Variants in RASGRP1 observed in about 807,000 individuals in gnomAD.
RASGRP1 encodes RAS guanyl releasing protein 1.
Under a neutral mutation model 95.1 loss-of-function variants are expected in RASGRP1, and 37 were observed. The observed-to-expected ratio is 0.39, with a 90% CI of 0.30 to 0.51. The LOEUF (loss-of-function observed/expected upper bound fraction) is 0.51, where lower values mean the gene tolerates loss of function less well. Among genes scored for constraint, RASGRP1 ranks in the 20% least tolerant of loss-of-function variants. The pLI is 0.80. For missense variants in RASGRP1, 711 were observed against 965.4 expected (o/e 0.74, Z 3.49); for synonymous variants, 325 against 353.4 (o/e 0.92, Z 0.90).
intron 9 of RASGRP1, 107 bp downstream of exon 9, chr15:38,507,619 T>C: frequency 7.8e-7 from 1 of 1,277,374 alleles, no homozygotes; most frequent in South Asian, 1.5e-5. Context: ...TAGGATCTGC[T>C]TCATAGAGCC....
intron 2 of RASGRP1, among the ~76,000 whole-genome samples, chr15:38,553,393 T>G (rs751408313): frequency 7.2e-5 from 11 of 152,230 alleles, no homozygotes; most frequent in Non-Finnish European, 1.6e-4. Flanking sequence ...TTTCCCAATG[T>G]GTTTTCATCA....
chr15:38,494,924 T>A (rs559579446), intron 15 of RASGRP1, among the ~76,000 whole-genome samples, 157 bp from the exon 16 acceptor site: 2 of 152,334 alleles, frequency 1.3e-5, no homozygotes, highest in East Asian at 3.9e-4. Context: ...GGGTGAGGGC[T>A]AAATCCAGGG....
At chr15:38,544,668 C>T (rs1681322321) in intron 2 of RASGRP1, among the ~76,000 whole-genome samples, 1 of 152,180 alleles carries the variant, frequency 6.6e-6, no homozygotes, top group South Asian at 2.1e-4. Context: ...CCTCCAGAAT[C>T]ATAAGCCAAA....
At chr15:38,563,730 C>T (rs1396973361) in intron 1 of RASGRP1, among the ~76,000 whole-genome samples, 3 of 152,268 alleles carry the variant, frequency 2.0e-5, no homozygotes, top group East Asian at 1.9e-4. Context: ...AGAGGCAGGG[C>T]GTGCATACAG....
chr15:38,503,393 A>G lies in RASGRP1; in HGVS notation c.1324-17T>C. The G allele has an allele frequency of 6.5e-7, 1 of 1,539,522 alleles. No homozygotes were observed. The highest frequency in any genetic ancestry group is 8.9e-7 in the Non-Finnish European group (1 of 1,120,440). On this transcript the variant is annotated splice_polypyrimidine_tract_variant and intron_variant, in intron 10 of 16. Transcript: ENST00000310803. ...TGTTAGTGGCTAAAATGAAATATTT[A>G]GAGAAATCCTCATGACTACAATGCA... is the stretch of plus-strand genomic sequence containing the variant.
rs1474675883 is a variant in RASGRP1 at position 38,526,373 on chromosome 15, T to C, written c.252A>G (p.Gln84=). 4 of 1,613,158 alleles carry C rather than the reference T, an allele frequency of 2.5e-6. No homozygotes were observed. The highest frequency in any genetic ancestry group is 1.7e-5 in the Admixed American group (1 of 59,936). ...DADGNLCRSN[Q]LLQVMLTMHR... ...GCATGGTCAGCATGACTTGCAACAG[T>C]TGGTTACTTCGACACAGGTTTCCAT... The change falls in exon 3 of 17, where the codon CAA becomes CAG. Residue 84 remains glutamine, a synonymous_variant. Transcript: ENST00000310803.
At chr15:38,512,660 T>C in intron 7 of RASGRP1, 123 bp downstream of exon 7, 2 of 1,212,548 alleles carry the variant, frequency 1.6e-6, no homozygotes. Flanking sequence ...CACAAACCTC[T>C]CCACCCCCTC....
At chr15:38,501,466 TG>T in intron 12 of RASGRP1, 179 bp from the exon 13 acceptor site, 1 of 800,472 alleles carries the variant, frequency 1.2e-6, no homozygotes, top group Non-Finnish European at 2.1e-6. Context: ...AGATGACATG[TG>T]GTAAGTAGGT....
intron 2 of RASGRP1, among the ~76,000 whole-genome samples, chr15:38,557,444 G>T (rs150946807): frequency 1.1e-4 from 17 of 152,272 alleles, no homozygotes; most frequent in African/African-American, 3.1e-4. Flanking sequence ...ACTTCCCGCA[G>T]CATTCCCTTG....
chr15:38,518,267 G>C (rs756601349), intron 5 of RASGRP1, 25 bp downstream of exon 5: 1 of 1,604,650 alleles, frequency 6.2e-7, no homozygotes, highest in African/African-American at 1.3e-5. Flanking sequence ...GGTTTCGAAA[G>C]ATGAGTCAAG....
At chr15:38,553,883 A>G (rs1055016783) in intron 2 of RASGRP1, among the ~76,000 whole-genome samples, 6 of 152,336 alleles carry the variant, frequency 3.9e-5, no homozygotes, top group Middle Eastern at 3.4e-3. Flanking sequence ...TAGTTCACAT[A>G]GCTGAAAAAC....
At chr15:38,532,905 G>A (rs1456486730) in intron 2 of RASGRP1, among the ~76,000 whole-genome samples, 1 of 152,132 alleles carries the variant, frequency 6.6e-6, no homozygotes, top group Non-Finnish European at 1.5e-5. Flanking sequence ...AGAGAAAACT[G>A]GCAAAGGGTG....
chr15:38,549,000 G>A (rs1028837400), intron 2 of RASGRP1, among the ~76,000 whole-genome samples: 13 of 152,154 alleles, frequency 8.5e-5, no homozygotes, highest in Admixed American at 8.5e-4. Flanking sequence ...CAAACAGTCA[G>A]GTGGACCCCA....
chr15:38,559,625 G>C (rs1443697228), intron 2 of RASGRP1, among the ~76,000 whole-genome samples, 196 bp downstream of exon 2: 1 of 152,110 alleles, frequency 6.6e-6, no homozygotes, highest in African/African-American at 2.4e-5. Flanking sequence ...CTTTAAAATT[G>C]CACTTCTCAT....
At chr15:38,561,802 G>T (rs773164093) in intron 1 of RASGRP1, among the ~76,000 whole-genome samples, 1 of 152,200 alleles carries the variant, frequency 6.6e-6, no homozygotes, top group Non-Finnish European at 1.5e-5. Flanking sequence ...AGATCAAGTC[G>T]GTGGTACAGG....
intron 11 of RASGRP1, 153 bp downstream of exon 11, chr15:38,503,119 T>C (rs1162270135): frequency 3.1e-6 from 2 of 645,368 alleles, no homozygotes; most frequent in African/African-American, 1.8e-5. Flanking sequence ...AATGTAACTT[T>C]TGAATTGTTC....
chr15:38,496,678 T>C (rs1890802925), intron 15 of RASGRP1, among the ~76,000 whole-genome samples: 1 of 152,210 alleles, frequency 6.6e-6, no homozygotes, highest in South Asian at 2.1e-4. Flanking sequence ...AAGAGGATTT[T>C]TTCCCCCTAA....
At chr15:38,535,138 A>G (rs931143639) in intron 2 of RASGRP1, among the ~76,000 whole-genome samples, 1 of 152,178 alleles carries the variant, frequency 6.6e-6, no homozygotes, top group Non-Finnish European at 1.5e-5. Context: ...ATGAGCTGAA[A>G]TTTAAAAATG....
intron 15 of RASGRP1, 124 bp downstream of exon 15, chr15:38,498,670 C>A: frequency 8.1e-7 from 1 of 1,231,736 alleles, no homozygotes. Flanking sequence ...AGGGGTCAGC[C>A]CTGGCCTAGC....
Sources: gnomAD v4.1 joint callset for allele counts (sites outside exome capture counted in the v4.1 genomes callset) on GRCh38, gnomAD v4.1.1 for gene constraint, MANE v1.5 for transcripts, NCBI Gene and HGNC (gene_info 2026-07-23, HGNC 2026-07-21) for gene names.